CADPS2: variants seen among roughly 807,000 people sequenced by gnomAD.
CADPS2 encodes calcium-dependent secretion activator 2.
A neutral mutation model predicts 172.5 loss-of-function variants in CADPS2; 93 were observed. The observed-to-expected ratio is 0.54, with a 90% CI of 0.46 to 0.64. The LOEUF (loss-of-function observed/expected upper bound fraction) is 0.64, where lower values mean the gene tolerates loss of function less well. CADPS2 is among the 30% of genes least tolerant of loss of function. CADPS2 has a pLI of 0.00. For missense variants in CADPS2, 1,420 were observed against 1,565.9 expected (o/e 0.91, Z 1.57); for synonymous variants, 546 against 555.2 (o/e 0.98, Z 0.23).
At chr7:122,881,466 G>A (rs900954019) in intron 1 of CADPS2, among the ~76,000 whole-genome samples, 6 of 152,148 alleles carry the variant, frequency 3.9e-5, no homozygotes, top group African/African-American at 1.2e-4. Context: ...AGTCCAGTGT[G>A]AGGTTTTACT....
intron 2 of CADPS2, chr7:122,698,371 T>C (rs751057180): frequency 1.9e-6 from 3 of 1,613,712 alleles, no homozygotes; most frequent in Non-Finnish European, 2.5e-6. Context: ...CCAGATGATG[T>C]GCTTTCTCCC....
chr7:122,635,152 G>A (rs2471204), intron 3 of CADPS2, among the ~76,000 whole-genome samples: 78,497 of 151,898 alleles, frequency 0.52, 20,558 homozygotes, highest in East Asian at 0.72. Flanking sequence ...TTCTGTAGAT[G>A]TCTATTAGGT....
At chr7:122,720,498 A>G (rs2090237640) in intron 2 of CADPS2, among the ~76,000 whole-genome samples, 1 of 151,086 alleles carries the variant, frequency 6.6e-6, no homozygotes, top group Admixed American at 6.6e-5. Context: ...ATGTATATGT[A>G]TATACGTATA....
chr7:122,578,098 A>G (rs1305921052), intron 7 of CADPS2, among the ~76,000 whole-genome samples: 1 of 150,958 alleles, frequency 6.6e-6, no homozygotes, highest in Non-Finnish European at 1.5e-5. Flanking sequence ...ATACACATAT[A>G]TATACACAAA....
chr7:122,618,326 CA>C (rs1333171058), intron 5 of CADPS2, among the ~76,000 whole-genome samples: 1 of 152,122 alleles, frequency 6.6e-6, no homozygotes, highest in Non-Finnish European at 1.5e-5. Context: ...ACTGTTTAGG[CA>C]CTTTCAATAC....
intron 3 of CADPS2, among the ~76,000 whole-genome samples, chr7:122,635,221 C>A (rs1006397628): frequency 2.0e-5 from 3 of 151,806 alleles, no homozygotes; most frequent in Non-Finnish European, 2.9e-5. Context: ...CCTGGATGAT[C>A]TAATGCTGTC....
At chr7:122,402,927 G>T (rs2046146284) in intron 20 of CADPS2, among the ~76,000 whole-genome samples, 1 of 152,104 alleles carries the variant, frequency 6.6e-6, no homozygotes, top group African/African-American at 2.4e-5. Flanking sequence ...CTCTAATTGG[G>T]TCAACATGGT....
rs974685518 is a variant in CADPS2 at position 122,818,532 on chromosome 7, A to G, written c.339+67467T>C. 1.1e-4 allele frequency among the ~76,000 whole-genome samples: 17 copies of G among 152,110 alleles called. No homozygotes were observed. In the East Asian group the frequency reaches 1.5e-3, roughly 14 times the overall value. On this transcript the variant is annotated intron_variant, in intron 1 of 29. Coordinates refer to ENST00000449022, the MANE Select transcript of CADPS2 (RefSeq NM_017954.11). ...TGTCCCCTCAGTACCAACCCCAAGCATCACTGAGTCTTTCTAATCTTCCTT... is the reference window on the plus strand; with the variant it reads ...TGTCCCCTCAGTACCAACCCCAAGCGTCACTGAGTCTTTCTAATCTTCCTT...
chr7:122,800,403 CTG>C (rs1271125374), intron 1 of CADPS2, among the ~76,000 whole-genome samples: 2 of 152,274 alleles, frequency 1.3e-5, no homozygotes, highest in African/African-American at 4.8e-5. Flanking sequence ...AATAAAAACA[CTG>C]TTGTAATCTA....
chr7:122,846,549 T>G (rs570897871), intron 1 of CADPS2, among the ~76,000 whole-genome samples: 2 of 152,314 alleles, frequency 1.3e-5, no homozygotes, highest in South Asian at 4.1e-4. Flanking sequence ...AGCATTAAAA[T>G]TAATATACAG....
chr7:122,372,627 C>T (rs2041904359), intron 25 of CADPS2, among the ~76,000 whole-genome samples: 1 of 152,044 alleles, frequency 6.6e-6, no homozygotes, highest in Non-Finnish European at 1.5e-5. Flanking sequence ...ATGCACAGAA[C>T]AATTAAAATA....
chr7:122,520,629 A>G (rs561787109), intron 8 of CADPS2, among the ~76,000 whole-genome samples: 24 of 152,242 alleles, frequency 1.6e-4, no homozygotes, highest in Non-Finnish European at 1.8e-4. Context: ...TTATATAGAA[A>G]AGAGTAAAAT....
intron 8 of CADPS2, among the ~76,000 whole-genome samples, chr7:122,532,684 T>C (rs960556083): frequency 1.3e-5 from 2 of 152,064 alleles, no homozygotes; most frequent in Non-Finnish European, 2.9e-5. Flanking sequence ...GCTGTTTTAA[T>C]CTGTACCTAT....
intron 27 of CADPS2, chr7:122,354,334 G>C (rs1436562572): frequency 6.6e-6 from 1 of 152,042 alleles, no homozygotes; most frequent in African/African-American, 2.4e-5. Flanking sequence ...TACAGAAGAA[G>C]AAACTGGTGC....
At chr7:122,659,446 A>G (rs1184171665) in intron 3 of CADPS2, among the ~76,000 whole-genome samples, 1 of 152,112 alleles carries the variant, frequency 6.6e-6, no homozygotes, top group Non-Finnish European at 1.5e-5. Context: ...TGAAATACAA[A>G]GAGAAAAAGA....
At chr7:122,486,566 G>C (rs1218348121) in intron 11 of CADPS2, among the ~76,000 whole-genome samples, 3 of 152,184 alleles carry the variant, frequency 2.0e-5, no homozygotes, top group Admixed American at 6.5e-5. Flanking sequence ...AGTGATTTTT[G>C]AGATGGAATC....
chr7:122,707,012 C>T (rs1351971635), intron 2 of CADPS2, among the ~76,000 whole-genome samples: 5 of 151,668 alleles, frequency 3.3e-5, no homozygotes, highest in African/African-American at 1.2e-4. Context: ...CCTGGCTGAG[C>T]ACATGGCCAG....
At chr7:122,835,578 G>A (rs1237317698) in intron 1 of CADPS2, among the ~76,000 whole-genome samples, 1 of 152,180 alleles carries the variant, frequency 6.6e-6, no homozygotes, top group Non-Finnish European at 1.5e-5. Flanking sequence ...CCAGTGTAGA[G>A]AAGTCCTTAA....
chr7:122,779,375 AC>A (rs1792069345), intron 1 of CADPS2, among the ~76,000 whole-genome samples: 1 of 152,122 alleles, frequency 6.6e-6, no homozygotes, highest in Middle Eastern at 3.2e-3. Flanking sequence ...AGCTAGCAAG[AC>A]ATTCTTCTTG....
Sources: allele counts gnomAD v4.1 joint callset (sites outside exome capture counted in the v4.1 genomes callset), GRCh38; gene constraint gnomAD v4.1.1; transcripts MANE v1.5; gene names NCBI Gene and HGNC (gene_info 2026-07-23, HGNC 2026-07-21).